IPCEF1: variants seen among roughly 807,000 people sequenced by gnomAD.
The protein encoded by IPCEF1 is interactor protein for cytohesin exchange factors 1.
IPCEF1 carries 31 observed loss-of-function variants against 50.9 expected under a neutral mutation model. The ratio of observed to expected loss-of-function variants is 0.61; its 90% CI spans 0.46 to 0.82. The LOEUF is 0.82. IPCEF1 is among the 40% of genes least tolerant of loss of function. The pLI is 0.00. For synonymous variants in IPCEF1, 181 were observed against 192.0 expected (o/e 0.94, Z 0.47); for missense variants, 458 against 514.0 (o/e 0.89, Z 1.05).
chr6:154,204,627 A>G (rs1235460164), intron 9 of IPCEF1, among the ~76,000 whole-genome samples: 1 of 151,994 alleles, frequency 6.6e-6, no homozygotes, highest in Non-Finnish European at 1.5e-5. Context: ...CCGAAGATCT[A>G]CTCATCACTG....
chr6:154,319,424 A>G (rs759072630), intron 1 of IPCEF1, among the ~76,000 whole-genome samples: 8 of 152,254 alleles, frequency 5.3e-5, no homozygotes, highest in Non-Finnish European at 1.2e-4. Context: ...TCATTATAAC[A>G]TGGCAGAAAA....
chr6:154,199,698 T>C lies in IPCEF1; in HGVS notation c.880A>G (p.Lys294Glu), dbSNP rs1373312136. 1.9e-6 allele frequency: 3 copies of C among 1,612,498 alleles called. No individual in the cohort carries two copies. Among genetic ancestry groups the C allele is most frequent in the Non-Finnish European group, 2.5e-6 (3 of 1,178,902 alleles). Reference sequence around the variant, plus strand: ...TCCATGATCTTTGATCCAGCAGGCTTATCTGGGACAGTAAGATGGTCATGA... The same window carrying C: ...TCCATGATCTTTGATCCAGCAGGCTCATCTGGGACAGTAAGATGGTCATGA... ...SNHDHLTVPD[K>E]PAGSKIMDKE... The change falls in exon 10 of 12, where the codon AAG (lysine) becomes GAG (glutamate). Residue 294 changes from lysine to glutamate, a missense_variant. By Grantham distance (56) the Lys-to-Glu change is moderately conservative. Transcript: ENST00000367220.
At chr6:154,235,931 C>T (rs934657712) in intron 5 of IPCEF1, among the ~76,000 whole-genome samples, 1 of 152,152 alleles carries the variant, frequency 6.6e-6, no homozygotes, top group Non-Finnish European at 1.5e-5. Context: ...GAAAATGGAA[C>T]CCTTGTGTTC....
chr6:154,212,520 C>T (rs1489661120), intron 9 of IPCEF1, among the ~76,000 whole-genome samples: 1 of 152,210 alleles, frequency 6.6e-6, no homozygotes, highest in Admixed American at 6.5e-5. Context: ...GAAGCCTTTG[C>T]ATCCTCATGA....
chr6:154,295,686 T>C (rs1427740981), intron 1 of IPCEF1, among the ~76,000 whole-genome samples: 1 of 152,220 alleles, frequency 6.6e-6, no homozygotes. Context: ...GTCCAGCCTT[T>C]TGTGGATCTG....
rs943131834 is a variant in IPCEF1, at chr6:154,156,784, T to C, written c.*3044A>G. On this transcript the variant is annotated 3_prime_UTR_variant, in exon 12 of 12. Transcript: ENST00000367220. ...CGCCCTTGCAATGCAGGGCTCAGAGTGTCTATTTGCAATATATCAACCAGT... is the reference window on the plus strand; with the variant it reads ...CGCCCTTGCAATGCAGGGCTCAGAGCGTCTATTTGCAATATATCAACCAGT... 5.9e-5 allele frequency: 9 copies of C among 152,038 alleles called. No homozygotes were observed. The highest frequency in any genetic ancestry group is 2.2e-4 in the African/African-American group (9 of 41,394). 9.4% of individuals were successfully genotyped at this position (152,038 alleles called of 1,614,324 possible).
At chr6:154,194,070 C>T (rs1776382082) in intron 10 of IPCEF1, among the ~76,000 whole-genome samples, 1 of 152,168 alleles carries the variant, frequency 6.6e-6, no homozygotes, top group Non-Finnish European at 1.5e-5. Context: ...ACGCCCAGGG[C>T]AGATCACTGT....
chr6:154,235,765 G>A (rs1780083641), intron 5 of IPCEF1, among the ~76,000 whole-genome samples: 1 of 152,132 alleles, frequency 6.6e-6, no homozygotes, highest in East Asian at 1.9e-4. Flanking sequence ...AAGAAGATAT[G>A]GAAATGGCCA....
intron 10 of IPCEF1, among the ~76,000 whole-genome samples, chr6:154,180,088 G>C (rs918194715): frequency 2.0e-5 from 3 of 152,120 alleles, no homozygotes; most frequent in African/African-American, 7.2e-5. Context: ...TGTCCATAAA[G>C]CAGCACTCTG....
intron 1 of IPCEF1, among the ~76,000 whole-genome samples, chr6:154,301,374 A>G (rs1782791363): frequency 6.6e-6 from 1 of 152,178 alleles, no homozygotes; most frequent in Non-Finnish European, 1.5e-5. Context: ...ACTCTTGGGC[A>G]CAAGGGTTGA....
intron 1 of IPCEF1, among the ~76,000 whole-genome samples, chr6:154,347,209 T>G (rs1481678999): frequency 6.6e-6 from 1 of 152,176 alleles, no homozygotes. Context: ...AAATAAGAAA[T>G]TATGTAGCAT....
At chr6:154,244,259 T>C (rs1554819) in intron 5 of IPCEF1, among the ~76,000 whole-genome samples, 129,238 of 151,852 alleles carry the variant, frequency 0.85, 55,912 homozygotes, top group African/African-American at 0.91. Context: ...CTTTTTTCCC[T>C]CACAGTAAAC....
At chr6:154,160,945 G>A (rs1392024666) in intron 11 of IPCEF1, among the ~76,000 whole-genome samples, 1 of 152,136 alleles carries the variant, frequency 6.6e-6, no homozygotes, top group Non-Finnish European at 1.5e-5. Context: ...GCATGTAAAT[G>A]CCGAGTCCCC....
chr6:154,184,379 G>A (rs1415596585), intron 10 of IPCEF1, among the ~76,000 whole-genome samples: 1 of 151,970 alleles, frequency 6.6e-6, no homozygotes, highest in Non-Finnish European at 1.5e-5. Context: ...TCACACCACA[G>A]AAAATGATGC....
At chr6:154,315,779 T>C (rs750792956) in intron 1 of IPCEF1, among the ~76,000 whole-genome samples, 4 of 152,056 alleles carry the variant, frequency 2.6e-5, no homozygotes, top group Non-Finnish European at 5.9e-5. Flanking sequence ...GGGAAATTGA[T>C]GAAAATCTAA....
At chr6:154,242,133 G>A (rs370289205) in intron 5 of IPCEF1, among the ~76,000 whole-genome samples, 5 of 152,250 alleles carry the variant, frequency 3.3e-5, no homozygotes, top group East Asian at 3.9e-4. Flanking sequence ...GGCACAGCTC[G>A]TTTATATTTT....
chr6:154,331,529 A>G (rs1783673409), intron 1 of IPCEF1, among the ~76,000 whole-genome samples: 1 of 151,726 alleles, frequency 6.6e-6, no homozygotes, highest in South Asian at 2.1e-4. Context: ...ACTTCAATAA[A>G]TGGAAGAAAT....
intron 3 of IPCEF1, among the ~76,000 whole-genome samples, chr6:154,256,740 G>T (rs983292695): frequency 1.3e-5 from 2 of 152,058 alleles, no homozygotes; most frequent in Non-Finnish European, 2.9e-5. Context: ...TGCACACATG[G>T]TCCCCAACTT....
At chr6:154,325,516 T>C (rs961989853) in intron 1 of IPCEF1, among the ~76,000 whole-genome samples, 2 of 152,186 alleles carry the variant, frequency 1.3e-5, no homozygotes, top group East Asian at 3.9e-4. Context: ...AATTAAAAAA[T>C]AACTGGGTAA....
Sources: allele counts gnomAD v4.1 joint callset (sites outside exome capture counted in the v4.1 genomes callset), GRCh38; gene constraint gnomAD v4.1.1; transcripts MANE v1.5; gene names NCBI Gene and HGNC (gene_info 2026-07-23, HGNC 2026-07-21).